The following HHIP variants were observed in gnomAD, a reference collection of about 807,000 sequenced individuals.
The protein encoded by HHIP is hedgehog-interacting protein.
Under a neutral mutation model 74.0 loss-of-function variants are expected in HHIP, and 12 were observed. The observed-to-expected ratio is 0.16, with a 90% CI of 0.10 to 0.26. The LOEUF (loss-of-function observed/expected upper bound fraction) is 0.26, where lower values mean the gene tolerates loss of function less well. HHIP is among the 10% of genes least tolerant of loss of function. The pLI, the probability that HHIP is intolerant of heterozygous loss-of-function variation, is 1.00. For missense variants in HHIP, 788 were observed against 845.0 expected (o/e 0.93, Z 0.84); for synonymous variants, 309 against 311.6 (o/e 0.99, Z 0.09).
intron 11 of HHIP, among the ~76,000 whole-genome samples, chr4:144,734,147 T>C (rs1224707254): frequency 6.6e-6 from 1 of 151,696 alleles, no homozygotes; most frequent in Non-Finnish European, 1.5e-5. Context: ...CTCAATAGTA[T>C]ACACACATAT....
chr4:144,695,794 C>T (rs995575036), intron 4 of HHIP, among the ~76,000 whole-genome samples: 8 of 151,868 alleles, frequency 5.3e-5, no homozygotes, highest in Admixed American at 5.3e-4. Flanking sequence ...CCACTGGTAA[C>T]ACATGCCACG....
intron 11 of HHIP, 104 bp from the exon 12 acceptor site, chr4:144,734,637 C>CTAGAAAGTAA (rs1731055700): frequency 3.4e-6 from 3 of 892,780 alleles, no homozygotes; most frequent in Non-Finnish European, 4.7e-6. Context: ...AAAAGTCTCT[C>CTAGAAAGTAA]TAGAAAGTAA....
chr4:144,693,948 A>G lies in HHIP; in HGVS notation c.832-12583A>G, dbSNP rs1729746750. Among the ~76,000 whole-genome samples, 3 of 152,100 alleles carry G rather than the reference A, an allele frequency of 2.0e-5. No individual in the cohort carries two copies. The South Asian group carries it at 6.2e-4, about 32-fold the overall frequency. ...GAGCCATAGCAAATGTTTATTTGCT[A>G]AATGTTGATTTGTAGCTAATGATAT... On this transcript the variant is annotated intron_variant, in intron 4 of 12. Transcript: ENST00000296575.
At chr4:144,674,607 AC>A (rs762927191) in intron 4 of HHIP, among the ~76,000 whole-genome samples, 1 of 152,098 alleles carries the variant, frequency 6.6e-6, no homozygotes, top group Non-Finnish European at 1.5e-5. Flanking sequence ...TTAAAAAAAA[AC>A]GAATAAATCA....
rs768274821 is a variant in HHIP, at chr4:144,646,666, T to A, written c.-10T>A. 2 of 1,612,786 alleles carry A rather than the reference T, an allele frequency of 1.2e-6. No individual in the cohort carries two copies. Among genetic ancestry groups the A allele is most frequent in the South Asian group, 2.2e-5 (2 of 90,952 alleles). On this transcript the variant is annotated 5_prime_UTR_variant, in exon 1 of 13. Coordinates refer to ENST00000296575, the MANE Select transcript of HHIP (RefSeq NM_022475.3). ...CTCCCGCGCCCAGCCCCTGCTGCTCTGGGCAGACGATGCTGAAGATGCTCT... is the reference window on the plus strand; with the variant it reads ...CTCCCGCGCCCAGCCCCTGCTGCTCAGGGCAGACGATGCTGAAGATGCTCT...
chr4:144,697,414 T>A (rs182020437), intron 4 of HHIP, among the ~76,000 whole-genome samples: 26 of 152,206 alleles, frequency 1.7e-4, no homozygotes, highest in Admixed American at 3.9e-4. Flanking sequence ...AGAAGATATT[T>A]TAGAAAGTGG....
chr4:144,659,573 C>T, intron 3 of HHIP, 64 bp from the exon 4 acceptor site: 1 of 1,066,096 alleles, frequency 9.4e-7, no homozygotes, highest in Non-Finnish European at 1.3e-6. Context: ...GAAAAGGATG[C>T]CAAGTGCATC....
chr4:144,700,645 G>T (rs977043661), intron 4 of HHIP, among the ~76,000 whole-genome samples: 2 of 152,102 alleles, frequency 1.3e-5, no homozygotes, highest in Non-Finnish European at 2.9e-5. Flanking sequence ...TTTGAAGATG[G>T]AAGAAAGAAG....
chr4:144,707,109 T>C lies in HHIP; in HGVS notation c.1006T>C (p.Leu336=). Residue 336 remains leucine (L), a synonymous_variant, in exon 6 of 13, where the codon TTG becomes CTG. Coordinates refer to ENST00000296575, the MANE Select transcript of HHIP (RefSeq NM_022475.3). ...TAGAAAAAATCCACACCAAGTTGAT[T>C]TGAGAACAGCCAGAGTCTTTCTTGA... ...VSRKNPHQVD[L]RTARVFLEVA... 3 of 1,614,154 alleles carry C rather than the reference T, an allele frequency of 1.9e-6. No homozygotes were observed. The highest frequency in any genetic ancestry group is 2.5e-6 in the Non-Finnish European group (3 of 1,180,000).
At chr4:144,679,768 G>A (rs894806765) in intron 4 of HHIP, among the ~76,000 whole-genome samples, 2 of 152,162 alleles carry the variant, frequency 1.3e-5, no homozygotes, top group Non-Finnish European at 2.9e-5. Flanking sequence ...CTAACATGAT[G>A]TAGACTACTT....
intron 1 of HHIP, chr4:144,650,905 T>C (rs1262342246): frequency 6.6e-6 from 1 of 152,104 alleles, no homozygotes; most frequent in Non-Finnish European, 1.5e-5. Context: ...GAGGATCATT[T>C]TGTTTTCAGC....
In HHIP at chr4:144,737,986, C is replaced by A; in HGVS notation, c.*29C>A. On this transcript the variant is annotated 3_prime_UTR_variant, in exon 13 of 13. Coordinates refer to ENST00000296575, the MANE Select transcript of HHIP (RefSeq NM_022475.3). ...CTGGGACTGTTTGAATATTCTATTC[C>A]AATGGGCATTTATTTTTTATCCTGT... 6.8e-7 allele frequency: 1 copy of A among 1,461,236 alleles called. No homozygotes were observed. The allele number at this position is 1,461,236 out of a possible 1,614,324, so 90.5% of individuals were successfully genotyped here. A position where few individuals can be genotyped will look rare whatever the true frequency, so the allele number is the denominator to read the frequency against.
chr4:144,734,245 A>G (rs1731044924), intron 11 of HHIP, among the ~76,000 whole-genome samples: 1 of 151,914 alleles, frequency 6.6e-6, no homozygotes, highest in South Asian at 2.1e-4. Context: ...TTAAAAAAAA[A>G]AACAAAGATT....
chr4:144,738,265 T>C lies in HHIP; in HGVS notation c.*308T>C, dbSNP rs1440986970. ...TTGTAAATTGATAATGGATTTTTTA[T>C]GTTACTAGAAGAGATTATTTGACTT... On this transcript the variant is annotated 3_prime_UTR_variant, in exon 13 of 13. Coordinates refer to ENST00000296575, the MANE Select transcript of HHIP (RefSeq NM_022475.3). The C allele has an allele frequency of 3.8e-5, 38 of 992,382 alleles. No individual in the cohort carries two copies. Among genetic ancestry groups the C allele is most frequent in the Non-Finnish European group, 4.4e-5 (37 of 831,786 alleles). The allele number at this position is 992,382 out of a possible 1,614,324, so 61.5% of individuals were successfully genotyped here.
intron 4 of HHIP, among the ~76,000 whole-genome samples, chr4:144,703,280 G>A (rs147264056): frequency 4.4e-4 from 66 of 151,138 alleles, no homozygotes; most frequent in South Asian, 3.6e-3. Flanking sequence ...CCTGAATCAC[G>A]ACTCTTCCAT....
At chr4:144,670,527 A>G (rs1330370586) in intron 4 of HHIP, among the ~76,000 whole-genome samples, 3 of 151,604 alleles carry the variant, frequency 2.0e-5, no homozygotes, top group Admixed American at 6.6e-5. Context: ...TTGCCATACT[A>G]TTTAGTTCTA....
In HHIP at chr4:144,738,015, TAA is replaced by T. The variant is rs975484059; in HGVS notation, c.*67_*68del. On this transcript the variant is annotated 3_prime_UTR_variant, in exon 13 of 13. Coordinates refer to ENST00000296575, the MANE Select transcript of HHIP (RefSeq NM_022475.3). Reference sequence around the variant, plus strand: ...GGGCATTTATTTTTTATCCTGTCATTAAAAAAAAAAGACTGTTATCCTGCTAC... The same window carrying T: ...GGGCATTTATTTTTTATCCTGTCATTAAAAAAAAGACTGTTATCCTGCTAC... 61 of 1,118,306 alleles carry T rather than the reference TAA, an allele frequency of 5.5e-5. No homozygotes were observed. Among genetic ancestry groups the T allele is most frequent in the Non-Finnish European group, 6.8e-5 (57 of 837,004 alleles). 69.3% of individuals were successfully genotyped at this position (1,118,306 alleles called of 1,614,324 possible).
intron 4 of HHIP, among the ~76,000 whole-genome samples, chr4:144,670,582 T>C (rs1051352698): frequency 5.3e-5 from 8 of 151,282 alleles, no homozygotes; most frequent in Admixed American, 1.3e-4. Context: ...CCAACTTTGA[T>C]CCAAACAGAC....
intron 11 of HHIP, among the ~76,000 whole-genome samples, chr4:144,726,678 T>C (rs1264628030): frequency 1.3e-5 from 2 of 152,044 alleles, no homozygotes; most frequent in African/African-American, 4.8e-5. Context: ...ATGAAAGTAG[T>C]TATGTAGCTT....
Sources: allele counts gnomAD v4.1 joint callset (sites outside exome capture counted in the v4.1 genomes callset), GRCh38; gene constraint gnomAD v4.1.1; transcripts MANE v1.5; gene names NCBI Gene and HGNC (gene_info 2026-07-23, HGNC 2026-07-21).